Variants in GPC6 observed in about 807,000 individuals in gnomAD.
GPC6 encodes the protein glypican-6.
In GPC6, 14 loss-of-function variants were observed where a neutral mutation model predicts 55.2. The observed-to-expected ratio is 0.25, with a 90% confidence interval of 0.17 to 0.40. GPC6 has a LOEUF of 0.40. Among genes scored for constraint, GPC6 ranks in the 10% least tolerant of loss-of-function variants. The pLI is 1.00. For synonymous variants in GPC6, 278 were observed against 259.6 expected, an observed-to-expected ratio of 1.07 and a Z score of -0.68; for missense variants, 641 against 708.5, an observed-to-expected ratio of 0.90 and a Z score of 1.08.
In GPC6 at chr13:93,915,403, G is replaced by A. The variant is rs540789701; in HGVS notation, c.711+84858G>A. 2.0e-4 allele frequency among the ~76,000 whole-genome samples: 31 copies of A among 152,234 alleles called. No individual in the cohort carries two copies. The Middle Eastern group carries it at 0.01, about 50-fold the overall frequency. On this transcript the variant is annotated intron_variant, in intron 3 of 8. Coordinates refer to ENST00000377047, the MANE Select transcript of GPC6 (RefSeq NM_005708.5). ...GATAGGTACTCTTTTCCCTGTACAC[G>A]TCAGCATTTATCACACCTCCACTGC...
intron 7 of GPC6, among the ~76,000 whole-genome samples, chr13:94,389,593 A>G (rs1488674231): frequency 6.6e-6 from 1 of 152,114 alleles, no homozygotes; most frequent in East Asian, 1.9e-4. Flanking sequence ...TTCTTGTAGC[A>G]TTGTTTTCTC....
At chr13:93,391,279 T>C (rs1875623986) in intron 1 of GPC6, among the ~76,000 whole-genome samples, 1 of 152,194 alleles carries the variant, frequency 6.6e-6, no homozygotes, top group Non-Finnish European at 1.5e-5. Context: ...ATAACTTTAG[T>C]ATAAATTTAA....
At chr13:93,387,482 A>G (rs1283943039) in intron 1 of GPC6, among the ~76,000 whole-genome samples, 1 of 152,298 alleles carries the variant, frequency 6.6e-6, no homozygotes, top group Middle Eastern at 3.4e-3. Context: ...AACTTCATCC[A>G]TGTCCCTGCA....
chr13:93,765,308 T>TTCCAGATAAGCTGTGTGGAAAGACA, intron 2 of GPC6, among the ~76,000 whole-genome samples: 1 of 148,684 alleles, frequency 6.7e-6, no homozygotes, highest in Non-Finnish European at 1.5e-5. Context: ...AAAGACAACT[T>TTCCAGATAAGCTGTGTGGAAAGACA]ATTTGGTTTA....
At chr13:94,350,876 G>T (rs1878505591) in intron 6 of GPC6, among the ~76,000 whole-genome samples, 1 of 152,142 alleles carries the variant, frequency 6.6e-6, no homozygotes, top group Admixed American at 6.5e-5. Context: ...TAGAACATGA[G>T]GGGGTGAGAG....
chr13:94,188,058 C>A (rs1230640231), intron 4 of GPC6: 1 of 152,218 alleles, frequency 6.6e-6, no homozygotes. Flanking sequence ...CAAATTAATT[C>A]TCCACCCTCC....
At chr13:94,335,963 A>G (rs1288557072) in intron 6 of GPC6, among the ~76,000 whole-genome samples, 2 of 148,232 alleles carry the variant, frequency 1.3e-5, no homozygotes, top group Non-Finnish European at 1.5e-5. Context: ...TAGAGAGGAG[A>G]GTCAGAGAGA....
intron 7 of GPC6, among the ~76,000 whole-genome samples, chr13:94,387,371 A>G (rs188388426): frequency 6.6e-6 from 1 of 152,316 alleles, no homozygotes; most frequent in East Asian, 1.9e-4. Flanking sequence ...TTAAATTTTC[A>G]TTCTGAAAAC....
At chr13:93,629,937 T>A (rs1879361930) in intron 2 of GPC6, among the ~76,000 whole-genome samples, 1 of 152,224 alleles carries the variant, frequency 6.6e-6, no homozygotes, top group South Asian at 2.1e-4. Flanking sequence ...TTTTCTTAAA[T>A]GCTGTAAGCC....
chr13:94,360,156 A>T (rs1442744730), intron 6 of GPC6, among the ~76,000 whole-genome samples: 1 of 152,168 alleles, frequency 6.6e-6, no homozygotes, highest in Non-Finnish European at 1.5e-5. Context: ...CCAGAAGGGG[A>T]ACTCTTTTTC....
At chr13:93,633,363 C>T (rs764501581) in intron 2 of GPC6, among the ~76,000 whole-genome samples, 1 of 152,048 alleles carries the variant, frequency 6.6e-6, no homozygotes, top group Non-Finnish European at 1.5e-5. Context: ...TAAATAACTG[C>T]GGCCAGGCGC....
intron 3 of GPC6, among the ~76,000 whole-genome samples, chr13:93,885,872 T>C (rs1037586540): frequency 9.2e-5 from 14 of 152,228 alleles, no homozygotes; most frequent in African/African-American, 3.4e-4. Context: ...AAACAAAATG[T>C]GACCCACATA....
intron 4 of GPC6, among the ~76,000 whole-genome samples, chr13:94,207,822 C>T (rs1228887022): frequency 6.6e-6 from 1 of 152,182 alleles, no homozygotes. Flanking sequence ...TTAGGGGCTT[C>T]AACTTGCTCT....
At chr13:93,399,461 G>T (rs1163782068) in intron 1 of GPC6, among the ~76,000 whole-genome samples, 1 of 152,182 alleles carries the variant, frequency 6.6e-6, no homozygotes, top group Non-Finnish European at 1.5e-5. Flanking sequence ...ATCAATAAAT[G>T]AATGTGTGTG....
intron 3 of GPC6, among the ~76,000 whole-genome samples, chr13:93,956,261 G>A (rs1458503491): frequency 6.6e-6 from 1 of 151,964 alleles, no homozygotes; most frequent in Non-Finnish European, 1.5e-5. Flanking sequence ...AATTCTGCAA[G>A]CAAGGTACAT....
At chr13:93,445,821 C>A (rs1877977850) in intron 1 of GPC6, among the ~76,000 whole-genome samples, 1 of 152,048 alleles carries the variant, frequency 6.6e-6, no homozygotes, top group African/African-American at 2.4e-5. Context: ...ATATGAATGT[C>A]AGGAATTTTA....
chr13:94,379,355 T>G (rs1303678096), intron 6 of GPC6, among the ~76,000 whole-genome samples: 1 of 152,202 alleles, frequency 6.6e-6, no homozygotes, highest in Non-Finnish European at 1.5e-5. Flanking sequence ...CATCTACATT[T>G]CTCACTGCTC....
intron 3 of GPC6, among the ~76,000 whole-genome samples, chr13:93,885,459 G>A (rs535800935): frequency 6.6e-6 from 1 of 150,822 alleles, no homozygotes; most frequent in East Asian, 1.9e-4. Flanking sequence ...TGGGGAATTT[G>A]GATTTTATTT....
intron 3 of GPC6, among the ~76,000 whole-genome samples, chr13:93,835,565 C>T (rs983343433): frequency 5.3e-5 from 8 of 152,090 alleles, no homozygotes; most frequent in Non-Finnish European, 1.0e-4. Context: ...CCAGCCTGAC[C>T]AACATGGAGA....
Sources: allele counts gnomAD v4.1 joint callset (sites outside exome capture counted in the v4.1 genomes callset), GRCh38; gene constraint gnomAD v4.1.1; transcripts MANE v1.5; gene names NCBI Gene and HGNC (gene_info 2026-07-23, HGNC 2026-07-21).